The following DENND1B variants were observed in gnomAD, a reference collection of about 807,000 sequenced individuals.
The protein encoded by DENND1B is DENN domain-containing protein 1B.
DENND1B carries 59 observed loss-of-function variants against 90.1 expected under a neutral mutation model. That is an observed-to-expected ratio of 0.65 (90% CI 0.53 to 0.81). The LOEUF is 0.81. DENND1B is among the 40% of genes least tolerant of loss of function. The pLI is 0.00. For synonymous variants in DENND1B, 337 were observed against 324.6 expected (o/e 1.04, Z -0.41); for missense variants, 862 against 912.6 (o/e 0.94, Z 0.71).
At chr1:197,750,313 A>G in intron 2 of DENND1B, among the ~76,000 whole-genome samples, 1 of 152,294 alleles carries the variant, frequency 6.6e-6, no homozygotes, top group South Asian at 2.1e-4. Context: ...ATCAAGTACA[A>G]TGTAATCCTT....
At chr1:197,605,061 G>T (rs1676548547) in intron 13 of DENND1B, among the ~76,000 whole-genome samples, 1 of 150,758 alleles carries the variant, frequency 6.6e-6, no homozygotes. Flanking sequence ...TTATAAGTCT[G>T]TGTCCCTGAA....
chr1:197,538,928 C>T (rs979520991), intron 20 of DENND1B, among the ~76,000 whole-genome samples: 1 of 151,958 alleles, frequency 6.6e-6, no homozygotes, highest in African/African-American at 2.4e-5. Flanking sequence ...TGCCTTCCAC[C>T]ATGGGATGAC....
At chr1:197,552,883 T>G in intron 16 of DENND1B, 139 bp downstream of exon 16, 1 of 1,453,492 alleles carries the variant, frequency 6.9e-7, no homozygotes. Flanking sequence ...TTTTATAAGA[T>G]GAAAAATGTA....
chr1:197,743,148 G>A (rs969903319), intron 2 of DENND1B, among the ~76,000 whole-genome samples: 1 of 152,148 alleles, frequency 6.6e-6, no homozygotes, highest in Non-Finnish European at 1.5e-5. Flanking sequence ...ATATTAACAA[G>A]ATTAAATCAA....
chr1:197,554,141 ACACACAC>A (rs1558233994), intron 15 of DENND1B, among the ~76,000 whole-genome samples: 6 of 129,934 alleles, frequency 4.6e-5, no homozygotes, highest in Non-Finnish European at 1.1e-4. Context: ...ACACACACAC[ACACACAC>A]GTATTACTAG....
At position 197,558,302 on chromosome 1, in the gene DENND1B, T is replaced by C. The variant is rs957643867; in HGVS notation, c.1150-5190A>G. 2.1e-5 allele frequency among the ~76,000 whole-genome samples: 3 copies of C among 143,588 alleles called. No homozygotes were observed. The Admixed American group carries it at 2.2e-4, about 10-fold the overall frequency. The allele number at this position is 143,588 out of a possible 152,430, so 94.2% of individuals were successfully genotyped here. A position where few individuals can be genotyped will look rare whatever the true frequency, so the allele number is the denominator to read the frequency against. ...AATTCATAGATATTATCCCATAGTATGGATTCCATAATTTCATAAATTATA... is the reference window on the plus strand; with the variant it reads ...AATTCATAGATATTATCCCATAGTACGGATTCCATAATTTCATAAATTATA... On this transcript the variant is annotated intron_variant, in intron 15 of 22. Coordinates refer to ENST00000620048, the MANE Select transcript of DENND1B (RefSeq NM_001195215.2).
chr1:197,703,039 G>A (rs1228313956), intron 3 of DENND1B, among the ~76,000 whole-genome samples: 3 of 151,950 alleles, frequency 2.0e-5, no homozygotes, highest in Admixed American at 6.6e-5. Flanking sequence ...CTGGGCTGGA[G>A]TGCAGTAGCA....
intron 2 of DENND1B, among the ~76,000 whole-genome samples, chr1:197,768,098 A>G (rs910012746): frequency 1.3e-5 from 2 of 152,128 alleles, no homozygotes; most frequent in Admixed American, 6.5e-5. Context: ...CCAGCACAGA[A>G]TAAGTACAAC....
intron 20 of DENND1B, among the ~76,000 whole-genome samples, chr1:197,535,399 CTATGT>C (rs1329535326): frequency 6.6e-6 from 1 of 152,164 alleles, no homozygotes; most frequent in African/African-American, 2.4e-5. Flanking sequence ...CCTATACAAA[CTATGT>C]TTTTTCCTAA....
chr1:197,704,253 CTCAA>C (rs1399507159), intron 3 of DENND1B, among the ~76,000 whole-genome samples: 3 of 152,132 alleles, frequency 2.0e-5, no homozygotes, highest in Non-Finnish European at 4.4e-5. Context: ...AAGAAACTGC[CTCAA>C]TCAATCAATA....
At chr1:197,635,974 T>TA (rs529170463) in intron 10 of DENND1B, among the ~76,000 whole-genome samples, 105 of 138,132 alleles carry the variant, frequency 7.6e-4, no homozygotes, top group South Asian at 1.4e-3. Flanking sequence ...TGAACAAGAT[T>TA]AAAAAAAAAA....
At chr1:197,581,930 G>A (rs1251690162) in intron 15 of DENND1B, among the ~76,000 whole-genome samples, 1 of 152,152 alleles carries the variant, frequency 6.6e-6, no homozygotes, top group Non-Finnish European at 1.5e-5. Context: ...GCTTAGGACT[G>A]TACTGTGCTA....
intron 20 of DENND1B, among the ~76,000 whole-genome samples, chr1:197,528,752 T>C (rs1038018597): frequency 1.3e-5 from 2 of 149,526 alleles, no homozygotes; most frequent in Non-Finnish European, 3.0e-5. Flanking sequence ...CCCAGCTACT[T>C]GGGAGGCTGA....
At chr1:197,570,501 T>C (rs1280947579) in intron 15 of DENND1B, among the ~76,000 whole-genome samples, 2 of 152,184 alleles carry the variant, frequency 1.3e-5, no homozygotes, top group African/African-American at 4.8e-5. Flanking sequence ...ACTAAGATTT[T>C]TCAATTTATG....
At chr1:197,684,020 T>C (rs541812455) in intron 3 of DENND1B, among the ~76,000 whole-genome samples, 20 of 152,324 alleles carry the variant, frequency 1.3e-4, no homozygotes, top group African/African-American at 4.8e-4. Context: ...TTACTCATGC[T>C]AAGAAAAAAT....
intron 13 of DENND1B, 148 bp from the exon 14 acceptor site, chr1:197,595,481 G>C: frequency 1.0e-6 from 1 of 987,506 alleles, no homozygotes; most frequent in East Asian, 2.6e-5. Context: ...ACTGCAGAGA[G>C]CACCTGCTGG....
chr1:197,671,441 GAC>G (rs1459660503), intron 5 of DENND1B, among the ~76,000 whole-genome samples: 2 of 152,152 alleles, frequency 1.3e-5, no homozygotes, highest in African/African-American at 4.8e-5. Flanking sequence ...GCAAGCTCAT[GAC>G]ACAACTAAAA....
At chr1:197,649,679 A>G (rs535614815) in intron 7 of DENND1B, among the ~76,000 whole-genome samples, 2 of 152,324 alleles carry the variant, frequency 1.3e-5, no homozygotes, top group Admixed American at 1.3e-4. Context: ...TAGGAGAATG[A>G]AACTGGATCC....
chr1:197,755,759 C>A (rs1043970147), intron 2 of DENND1B, among the ~76,000 whole-genome samples: 1 of 152,150 alleles, frequency 6.6e-6, no homozygotes, highest in African/African-American at 2.4e-5. Context: ...TAGAGCAACT[C>A]ACATCTTCTG....
Sources: allele counts gnomAD v4.1 joint callset (sites outside exome capture counted in the v4.1 genomes callset), GRCh38; gene constraint gnomAD v4.1.1; transcripts MANE v1.5; gene names NCBI Gene and HGNC (gene_info 2026-07-23, HGNC 2026-07-21).